ATP6V1H: variants seen among roughly 807,000 people sequenced by gnomAD.
The protein encoded by ATP6V1H is ATPase H+ transporting V1 subunit H.
A neutral mutation model predicts 71.7 loss-of-function variants in ATP6V1H; 39 were observed. The observed-to-expected ratio is 0.54, with a 90% confidence interval of 0.42 to 0.71. The LOEUF is 0.71. ATP6V1H is among the 30% of genes least tolerant of loss of function. The probability of loss-of-function intolerance (pLI) is 0.00; values close to 1 mark genes in which losing one functional copy is unlikely to be tolerated. For missense variants in ATP6V1H, 509 were observed against 594.9 expected (o/e 0.86, Z 1.50); for synonymous variants, 192 against 199.3 (o/e 0.96, Z 0.31).
chr8:53,787,306 A>G (rs563194321), intron 9 of ATP6V1H, among the ~76,000 whole-genome samples: 9 of 152,256 alleles, frequency 5.9e-5, no homozygotes, highest in African/African-American at 2.2e-4. Flanking sequence ...TAAGGGATAG[A>G]CTCCAGAATA....
rs1053144037 is a variant in ATP6V1H at position 53,817,496 on chromosome 8, T to C, written c.341A>G (p.Tyr114Cys). 17 of 1,613,294 alleles carry C rather than the reference T, an allele frequency of 1.1e-5. No homozygotes were observed. Among genetic ancestry groups the C allele is most frequent in the Non-Finnish European group, 1.4e-5 (16 of 1,179,604 alleles). ...NHQRVSIFFDYARCSKNTAWP... is the reference protein window; with the variant it reads ...NHQRVSIFFDCARCSKNTAWP... ...CGCAGTGTTCTTGCTACATCTTGCA[T>C]AGTCAAAGAAAATGCTAACACGCTG... The change falls in exon 5 of 14, where the codon TAT becomes TGT. Residue 114 changes from tyrosine to cysteine, a missense_variant. This residue lies in a region of ATP6V1H where 297 missense variants were observed against 303.3 expected (regional missense o/e 0.98). Coordinates refer to ENST00000359530, the MANE Select transcript of ATP6V1H (RefSeq NM_015941.4).
chr8:53,771,715 G>A (rs1808663067), intron 10 of ATP6V1H, among the ~76,000 whole-genome samples: 1 of 152,156 alleles, frequency 6.6e-6, no homozygotes, highest in Non-Finnish European at 1.5e-5. Flanking sequence ...AAGACTCGAG[G>A]AGCTCCAGGG....
At chr8:53,802,069 C>T (rs1809927879) in intron 7 of ATP6V1H, among the ~76,000 whole-genome samples, 173 bp from the exon 8 acceptor site, 1 of 152,158 alleles carries the variant, frequency 6.6e-6, no homozygotes, top group African/African-American at 2.4e-5. Context: ...ATCTCTACCT[C>T]TTAGAAATGA....
At chr8:53,829,796 A>T (rs762622120) in intron 3 of ATP6V1H, among the ~76,000 whole-genome samples, 2 of 152,204 alleles carry the variant, frequency 1.3e-5, no homozygotes, top group African/African-American at 4.8e-5. Flanking sequence ...AGCCACTAAT[A>T]ACTCTTGATT....
In ATP6V1H at chr8:53,755,714, ATATATATATATATATATATATATATATAT is replaced by A. The variant is rs1563451071; in HGVS notation, c.1277+812_1277+840del. On this transcript the variant is annotated intron_variant, in intron 12 of 13. Coordinates refer to ENST00000359530, the MANE Select transcript of ATP6V1H (RefSeq NM_015941.4). ...TATATATATATATATATATATATAT[ATATATATATATATATATATATATATATAT>A]ATTTTTTTTTTTTTTTTTTTTTTTT... Among the ~76,000 whole-genome samples the A allele has an allele frequency of 1.8e-3, 8 of 4,442 alleles. 1 individual carries two copies. The East Asian group carries it at 0.032, about 18-fold the overall frequency. 2.9% of individuals were successfully genotyped at this position (4,442 alleles called of 152,430 possible).
At chr8:53,821,387 A>AAGAGAG (rs979227205) in intron 4 of ATP6V1H, among the ~76,000 whole-genome samples, 1 of 150,558 alleles carries the variant, frequency 6.6e-6, no homozygotes, top group Non-Finnish European at 1.5e-5. Context: ...AAAAAAAAAA[A>AAGAGAG]AGAGAGAGAG....
chr8:53,718,330 T>C (rs528180750), intron 13 of ATP6V1H, among the ~76,000 whole-genome samples: 30 of 152,064 alleles, frequency 2.0e-4, no homozygotes, highest in Non-Finnish European at 3.7e-4. Context: ...CTTCCATTCA[T>C]TTTTTTCTTC....
Position 53,755,733 on chromosome 8 carries a change from TATATATATATA to T in ATP6V1H, c.1277+811_1277+821del, listed in dbSNP as rs1411588737. Among the ~76,000 whole-genome samples the T allele has an allele frequency of 9.4e-3, 53 of 5,624 alleles. 2 individuals carry two copies. Among genetic ancestry groups the T allele is most frequent in the East Asian group, 0.013 (2 of 154 alleles). The allele number at this position is 5,624 out of a possible 152,430, so 3.7% of individuals were successfully genotyped here. On this transcript the variant is annotated intron_variant, in intron 12 of 13. Transcript: ENST00000359530. ...ATATATATATATATATATATATATA[TATATATATATA>T]TTTTTTTTTTTTTTTTTTTTTTTTT...
At position 53,743,673 on chromosome 8, in the gene ATP6V1H, C is replaced by A. The variant is rs746619722; in HGVS notation, c.1295G>T (p.Gly432Val). Residue 432 changes from glycine (G) to valine (V), a missense_variant, in exon 13 of 14, where the codon GGT (glycine) becomes GTT (valine). Physicochemically the swap from Gly to Val is moderately radical, Grantham distance 109 (BLOSUM62 -3). Transcript: ENST00000359530. ...GTGGTTCATGACCAGCTGCTTCCCA[C>A]CGAGCTGCTCGATGACCCTGCAAAC... ...PRGKRVIEQLGGKQLVMNHMH... is the reference protein window; with the variant it reads ...PRGKRVIEQLVGKQLVMNHMH... 3 of 1,611,154 alleles carry A rather than the reference C, an allele frequency of 1.9e-6. No homozygotes were observed. Among genetic ancestry groups the A allele is most frequent in the Non-Finnish European group, 2.5e-6 (3 of 1,177,950 alleles).
intron 13 of ATP6V1H, among the ~76,000 whole-genome samples, chr8:53,729,985 G>A (rs540530195): frequency 2.0e-5 from 3 of 152,316 alleles, no homozygotes; most frequent in South Asian, 4.1e-4. Flanking sequence ...CAGCTGATGC[G>A]GAAAGCTGAG....
At chr8:53,830,605 T>C (rs1451072278) in intron 3 of ATP6V1H, among the ~76,000 whole-genome samples, 1 of 152,196 alleles carries the variant, frequency 6.6e-6, no homozygotes, top group Non-Finnish European at 1.5e-5. Flanking sequence ...AGAACTCTTT[T>C]TCAGATATAC....
At chr8:53,761,336 CAAAA>C (rs771733286) in intron 11 of ATP6V1H, among the ~76,000 whole-genome samples, 1 of 94,896 alleles carries the variant, frequency 1.1e-5, no homozygotes, top group Admixed American at 1.2e-4. Context: ...GACTCCGTCT[CAAAA>C]AAAAAAAAAA....
At position 53,797,452 on chromosome 8, in the gene ATP6V1H, C is replaced by T. The variant is rs150821096; in HGVS notation, c.678-1613G>A. On this transcript the variant is annotated intron_variant, in intron 8 of 13. Coordinates refer to ENST00000359530, the MANE Select transcript of ATP6V1H (RefSeq NM_015941.4). ...CAGCACTAGCCAACTGGCTCCCCTCCCCAGAGTCCTGGGTTCCAAATCCAT... is the reference window on the plus strand; with the variant it reads ...CAGCACTAGCCAACTGGCTCCCCTCTCCAGAGTCCTGGGTTCCAAATCCAT... Among the ~76,000 whole-genome samples, 1,289 of 152,338 alleles carry T rather than the reference C, an allele frequency of 8.5e-3. 4 individuals are homozygous for T. The highest frequency in any genetic ancestry group is 0.015 in the South Asian group (74 of 4,820).
intron 9 of ATP6V1H, among the ~76,000 whole-genome samples, chr8:53,795,068 G>A (rs989150786): frequency 6.6e-6 from 1 of 152,014 alleles, no homozygotes. Context: ...ACTGGCTCTC[G>A]GTAGCCAATT....
chr8:53,802,665 A>G (rs1454897031), intron 7 of ATP6V1H, among the ~76,000 whole-genome samples: 2 of 152,180 alleles, frequency 1.3e-5, no homozygotes, highest in Non-Finnish European at 2.9e-5. Context: ...GGTTGCAGTG[A>G]GCCAAGATCA....
intron 9 of ATP6V1H, among the ~76,000 whole-genome samples, chr8:53,775,058 C>T (rs1312466813): frequency 6.6e-6 from 1 of 152,186 alleles, no homozygotes; most frequent in African/African-American, 2.4e-5. Context: ...GCGGCGTGTC[C>T]GGAGTTTGTT....
intron 9 of ATP6V1H, among the ~76,000 whole-genome samples, chr8:53,773,986 A>T (rs917062279): frequency 6.6e-6 from 1 of 152,214 alleles, no homozygotes; most frequent in Non-Finnish European, 1.5e-5. Context: ...ATAAAAAGAT[A>T]AAAGATTTTT....
At chr8:53,787,971 G>C (rs1371091995) in intron 9 of ATP6V1H, among the ~76,000 whole-genome samples, 4 of 152,146 alleles carry the variant, frequency 2.6e-5, no homozygotes, top group Non-Finnish European at 5.9e-5. Flanking sequence ...CTGAGTTTTA[G>C]GATGTGTCTA....
At chr8:53,766,899 G>A (rs1018714443) in intron 11 of ATP6V1H, among the ~76,000 whole-genome samples, 1 of 152,174 alleles carries the variant, frequency 6.6e-6, no homozygotes, top group Admixed American at 6.5e-5. Flanking sequence ...GTGGTCCTGT[G>A]ATCTTGCCCT....
Sources: allele counts gnomAD v4.1 joint callset (sites outside exome capture counted in the v4.1 genomes callset), GRCh38; gene constraint gnomAD v4.1.1; regional missense constraint gnomAD v4.1.1; transcripts MANE v1.5; gene names NCBI Gene and HGNC (gene_info 2026-07-23, HGNC 2026-07-21).